NSUN3: variants seen among roughly 807,000 people sequenced by gnomAD.
NSUN3 encodes the protein NOP2/Sun RNA methyltransferase 3, also known as tRNA (cytosine(34)-C(5))-methyltransferase, mitochondrial.
In NSUN3, 24 loss-of-function variants were observed where a neutral mutation model predicts 36.8. The observed-to-expected ratio is 0.65, with a 90% CI of 0.47 to 0.92. NSUN3 has a LOEUF of 0.92. Among genes scored for constraint, NSUN3 ranks in the 40% least tolerant of loss-of-function variants. The pLI, the probability that NSUN3 is intolerant of heterozygous loss-of-function variation, is 0.00. For synonymous variants in NSUN3, 146 were observed against 145.2 expected (o/e 1.01, Z -0.04); for missense variants, 381 against 392.8 (o/e 0.97, Z 0.25).
At chr3:94,105,581 AG>A (rs1560038560) in intron 5 of NSUN3, among the ~76,000 whole-genome samples, 1 of 152,108 alleles carries the variant, frequency 6.6e-6, no homozygotes, top group African/African-American at 2.4e-5. Context: ...GTAAAGATGT[AG>A]GGTTTCTGTG....
Position 94,126,685 on chromosome 3 carries a change from A to G in NSUN3, c.*195A>G, listed in dbSNP as rs114347443. 2.0e-3 allele frequency: 1,097 copies of G among 545,522 alleles called. 9 individuals are homozygous for G. The highest frequency in any genetic ancestry group is 0.017 in the African/African-American group (894 of 53,182). The allele number at this position is 545,522 out of a possible 1,614,324, so 33.8% of individuals were successfully genotyped here. A position where few individuals can be genotyped will look rare whatever the true frequency, so the allele number is the denominator to read the frequency against. On this transcript the variant is annotated 3_prime_UTR_variant, in exon 6 of 6. Coordinates refer to ENST00000314622, the MANE Select transcript of NSUN3 (RefSeq NM_022072.5). ...TTTTTCCTAGAAATATATCTGTAAC[A>G]ATGATTTAAGGTGGTGCAGATGGTG...
chr3:94,064,600 C>A, intron 2 of NSUN3, 54 bp downstream of exon 2: 3 of 1,125,734 alleles, frequency 2.7e-6, no homozygotes, highest in Admixed American at 1.9e-5. Context: ...AATATGTAGT[C>A]CTCCTTTTTG....
chr3:94,104,057 G>C lies in NSUN3; in HGVS notation c.743+8903G>C, dbSNP rs551643963. 3.3e-5 allele frequency among the ~76,000 whole-genome samples: 5 copies of C among 152,290 alleles called. No homozygotes were observed. The East Asian group carries it at 5.8e-4, about 18-fold the overall frequency. Reference sequence around the variant, plus strand: ...GCATGCTTTAAGCAGAATGTTCCTGGTTAGGATTGCCTATGGTAAATACAA... The same window carrying C: ...GCATGCTTTAAGCAGAATGTTCCTGCTTAGGATTGCCTATGGTAAATACAA... On this transcript the variant is annotated intron_variant, in intron 5 of 5. Coordinates refer to ENST00000314622, the MANE Select transcript of NSUN3 (RefSeq NM_022072.5).
chr3:94,077,079 A>T (rs538387751), intron 2 of NSUN3: 12 of 788,030 alleles, frequency 1.5e-5, no homozygotes, highest in Non-Finnish European at 2.3e-5. Context: ...TCACCAAATC[A>T]TAAAGAAAAG....
chr3:94,081,711 A>G (rs1321068318), intron 2 of NSUN3: 1 of 152,220 alleles, frequency 6.6e-6, no homozygotes, highest in Admixed American at 6.5e-5. Context: ...CTTAAAAGGA[A>G]ACATGCAGGA....
intron 5 of NSUN3, among the ~76,000 whole-genome samples, chr3:94,119,124 C>A (rs533199485): frequency 4.3e-4 from 66 of 152,176 alleles, no homozygotes; most frequent in Non-Finnish European, 5.9e-4. Context: ...TGATTTATCC[C>A]AGACATTATT....
At chr3:94,108,615 T>C (rs2077401569) in intron 5 of NSUN3, among the ~76,000 whole-genome samples, 1 of 152,140 alleles carries the variant, frequency 6.6e-6, no homozygotes, top group South Asian at 2.1e-4. Context: ...CACCTCAGCT[T>C]CCCAAAGTGC....
chr3:94,081,294 A>T (rs986218721), intron 2 of NSUN3, among the ~76,000 whole-genome samples: 5 of 152,158 alleles, frequency 3.3e-5, no homozygotes, highest in Non-Finnish European at 7.4e-5. Context: ...GGAAATGCAG[A>T]AATCACCCAC....
intron 2 of NSUN3, chr3:94,076,576 G>A (rs2077247448): frequency 1.2e-6 from 1 of 846,868 alleles, no homozygotes; most frequent in African/African-American, 1.7e-5. Flanking sequence ...ACGGGTAGAT[G>A]GTGTGATCAT....
At chr3:94,088,657 A>G (rs1011366025) in intron 3 of NSUN3, among the ~76,000 whole-genome samples, 3 of 150,042 alleles carry the variant, frequency 2.0e-5, no homozygotes, top group African/African-American at 7.3e-5. Flanking sequence ...GTCCTGGAGC[A>G]TAGGGACAGA....
chr3:94,109,263 G>A (rs2077405437), intron 5 of NSUN3, among the ~76,000 whole-genome samples: 1 of 152,162 alleles, frequency 6.6e-6, no homozygotes. Context: ...GTAAGCATTA[G>A]AACTTTCTGA....
intron 4 of NSUN3, among the ~76,000 whole-genome samples, chr3:94,094,821 A>T (rs963039433): frequency 3.9e-5 from 6 of 152,210 alleles, no homozygotes; most frequent in African/African-American, 1.4e-4. Context: ...CCCAAAAACA[A>T]ACACTGAAAG....
chr3:94,076,636 G>C, intron 2 of NSUN3: 1 of 996,990 alleles, frequency 1.0e-6, no homozygotes, highest in East Asian at 2.4e-5. Context: ...AAAGCCCATA[G>C]CCTTTTTTCT....
At chr3:94,124,288 G>A (rs1368171716) in intron 5 of NSUN3, among the ~76,000 whole-genome samples, 2 of 151,362 alleles carry the variant, frequency 1.3e-5, no homozygotes, top group African/African-American at 2.4e-5. Context: ...AAGTAGCTGG[G>A]ATTACAGGCA....
At chr3:94,118,289 A>G (rs1421621253) in intron 5 of NSUN3, among the ~76,000 whole-genome samples, 2 of 152,330 alleles carry the variant, frequency 1.3e-5, no homozygotes, top group African/African-American at 4.8e-5. Flanking sequence ...ATTTTATATT[A>G]AAGAATATGT....
At chr3:94,111,205 TA>T (rs1287250643) in intron 5 of NSUN3, among the ~76,000 whole-genome samples, 1 of 152,066 alleles carries the variant, frequency 6.6e-6, no homozygotes, top group African/African-American at 2.4e-5. Context: ...AAATATGCTA[TA>T]AAAGATAAAA....
At chr3:94,092,998 A>T (rs928715174) in intron 3 of NSUN3, among the ~76,000 whole-genome samples, 1 of 151,500 alleles carries the variant, frequency 6.6e-6, no homozygotes, top group South Asian at 2.1e-4. Flanking sequence ...ACACAGAAAC[A>T]CCTCTCATGT....
intron 5 of NSUN3, among the ~76,000 whole-genome samples, chr3:94,115,735 A>G (rs2077437334): frequency 6.6e-6 from 1 of 152,194 alleles, no homozygotes; most frequent in Admixed American, 6.5e-5. Flanking sequence ...AAACAGTTGA[A>G]TACAGTGATC....
intron 5 of NSUN3, among the ~76,000 whole-genome samples, chr3:94,109,283 A>C (rs1001662618): frequency 2.6e-5 from 4 of 152,226 alleles, no homozygotes; most frequent in African/African-American, 9.6e-5. Context: ...AGCATCTAGA[A>C]AGAAGAGGCA....
Sources: allele counts gnomAD v4.1 joint callset (sites outside exome capture counted in the v4.1 genomes callset), GRCh38; gene constraint gnomAD v4.1.1; transcripts MANE v1.5; gene names NCBI Gene and HGNC (gene_info 2026-07-23, HGNC 2026-07-21).